BABAM2: variants seen among roughly 807,000 people sequenced by gnomAD.
BABAM2 encodes BRISC and BRCA1-A complex member 2.
In BABAM2, 31 loss-of-function variants were observed where a neutral mutation model predicts 54.7. The ratio of observed to expected loss-of-function variants is 0.57; its 90% CI spans 0.43 to 0.77. BABAM2 has a LOEUF of 0.77. Ranked by LOEUF, BABAM2 falls within the 30% of genes least tolerant of loss-of-function variation. The pLI is 0.00. For missense variants in BABAM2, 364 were observed against 455.8 expected (o/e 0.80, Z 1.83); for synonymous variants, 167 against 162.9 (o/e 1.03, Z -0.19).
intron 3 of BABAM2, among the ~76,000 whole-genome samples, chr2:27,985,747 A>G (rs532957851): frequency 3.3e-5 from 5 of 152,270 alleles, no homozygotes; most frequent in Admixed American, 6.5e-5. Context: ...CTCTGGGTCT[A>G]TGTCTTATAT....
At position 28,244,862 on chromosome 2, in the gene BABAM2, A is replaced by G. The variant is rs141089075; in HGVS notation, c.934A>G (p.Ile312Val). 1 of 1,613,544 alleles carries G rather than the reference A, an allele frequency of 6.2e-7. No homozygotes were observed. Among genetic ancestry groups the G allele is most frequent in the Non-Finnish European group, 8.5e-7 (1 of 1,179,648 alleles). ...MWKDFCFLVH[I>V]DLPLFFPRDQ... Reference sequence around the variant, plus strand: ...GAAAGATTTTTGTTTTCTTGTACACAGTGAGTATACTTTTGCTGTCAGCAT... The same window carrying G: ...GAAAGATTTTTGTTTTCTTGTACACGGTGAGTATACTTTTGCTGTCAGCAT... Residue 312 changes from isoleucine (I) to valine (V), a missense_variant and splice_region_variant, in exon 10 of 12, where the codon ATT becomes GTT. Transcript: ENST00000379624.
At chr2:28,086,859 GTA>G (rs1480404422) in intron 6 of BABAM2, among the ~76,000 whole-genome samples, 1 of 152,162 alleles carries the variant, frequency 6.6e-6, no homozygotes, top group Non-Finnish European at 1.5e-5. Context: ...CAAAATATCT[GTA>G]TAGAGTCCAC....
At chr2:28,212,001 T>C (rs1268010824) in intron 7 of BABAM2, among the ~76,000 whole-genome samples, 2 of 152,156 alleles carry the variant, frequency 1.3e-5, no homozygotes, top group African/African-American at 4.8e-5. Context: ...AGTCTCTTAA[T>C]CTAGAACAGT....
chr2:28,330,519 G>A (rs1004332548), intron 11 of BABAM2, among the ~76,000 whole-genome samples: 1 of 152,138 alleles, frequency 6.6e-6, no homozygotes, highest in African/African-American at 2.4e-5. Context: ...AAAATCACAG[G>A]CATTCTTATA....
chr2:28,248,635 A>G, intron 10 of BABAM2, among the ~76,000 whole-genome samples: 1 of 152,172 alleles, frequency 6.6e-6, no homozygotes. Context: ...ACTGCACTGT[A>G]AGTAGACACA....
At chr2:27,942,791 A>ATTT (rs372325714) in intron 3 of BABAM2, among the ~76,000 whole-genome samples, 11 of 141,820 alleles carry the variant, frequency 7.8e-5, no homozygotes, top group African/African-American at 2.1e-4. Flanking sequence ...TTTCTTAAAA[A>ATTT]ATTTATTTAT....
intron 7 of BABAM2, among the ~76,000 whole-genome samples, chr2:28,195,816 CTA>C (rs1399401620): frequency 6.6e-6 from 1 of 152,188 alleles, no homozygotes; most frequent in Non-Finnish European, 1.5e-5. Flanking sequence ...AAATTCAAGT[CTA>C]CCTAATTCAA....
chr2:28,276,025 AG>A (rs1410170828), intron 10 of BABAM2, among the ~76,000 whole-genome samples: 19 of 151,806 alleles, frequency 1.3e-4, no homozygotes, highest in African/African-American at 3.9e-4. Context: ...AAAAAAAGAA[AG>A]AAAGAAAAAA....
rs563833988 is a variant in BABAM2 at position 28,320,651 on chromosome 2, C to T, written c.1089-17799C>T. Among the ~76,000 whole-genome samples, 14 of 152,356 alleles carry T rather than the reference C, an allele frequency of 9.2e-5. No homozygotes were observed. In the South Asian group the frequency reaches 1.7e-3, roughly 18 times the overall value. On this transcript the variant is annotated intron_variant, in intron 11 of 11. Coordinates refer to ENST00000379624, the MANE Select transcript of BABAM2 (RefSeq NM_199191.3). Reference sequence around the variant, plus strand: ...GGCATAGGTTGGCAGCATCACTCAGCGGGGTGCCTTCTAGTGGAACATGGG... The same window carrying T: ...GGCATAGGTTGGCAGCATCACTCAGTGGGGTGCCTTCTAGTGGAACATGGG...
At chr2:27,999,465 C>T (rs1478183824) in intron 4 of BABAM2, among the ~76,000 whole-genome samples, 18 of 151,998 alleles carry the variant, frequency 1.2e-4, no homozygotes, top group Admixed American at 1.0e-3. Context: ...TTTGCATAGG[C>T]AAATAGTAGA....
intron 11 of BABAM2, among the ~76,000 whole-genome samples, chr2:28,316,585 C>T (rs1168587854): frequency 1.3e-5 from 2 of 152,192 alleles, no homozygotes; most frequent in Non-Finnish European, 2.9e-5. Flanking sequence ...TTCTTCAGAA[C>T]ATTCCCACAG....
At chr2:28,180,574 G>A (rs1675511221) in intron 7 of BABAM2, among the ~76,000 whole-genome samples, 2 of 152,010 alleles carry the variant, frequency 1.3e-5, no homozygotes, top group Non-Finnish European at 2.9e-5. Context: ...TTAAGTCTGT[G>A]GCCTCAAAAG....
intron 7 of BABAM2, among the ~76,000 whole-genome samples, chr2:28,157,460 A>G (rs1186210689): frequency 6.6e-6 from 1 of 152,264 alleles, no homozygotes; most frequent in African/African-American, 2.4e-5. Flanking sequence ...CAAGGTAGAC[A>G]GGCTGCTATG....
At chr2:28,031,923 C>G (rs1418014396) in intron 5 of BABAM2, among the ~76,000 whole-genome samples, 1 of 152,134 alleles carries the variant, frequency 6.6e-6, no homozygotes, top group Non-Finnish European at 1.5e-5. Context: ...TAAAACACAT[C>G]TATTATGTCT....
At chr2:28,200,473 C>T (rs1678142438) in intron 7 of BABAM2, among the ~76,000 whole-genome samples, 2 of 152,134 alleles carry the variant, frequency 1.3e-5, no homozygotes, top group South Asian at 4.1e-4. Flanking sequence ...AAGACCAGGA[C>T]CTATCCATTT....
intron 3 of BABAM2, among the ~76,000 whole-genome samples, chr2:27,932,041 C>CT (rs770985604): frequency 4.8e-4 from 73 of 152,214 alleles, no homozygotes; most frequent in Middle Eastern, 3.4e-3. Flanking sequence ...GCCTTTATTA[C>CT]TTTTTTGAAT....
At chr2:27,974,448 A>G (rs1671449449) in intron 3 of BABAM2, among the ~76,000 whole-genome samples, 1 of 152,194 alleles carries the variant, frequency 6.6e-6, no homozygotes, top group Admixed American at 6.5e-5. Context: ...GCCAAGTTCA[A>G]CATTTGAAAA....
At chr2:28,075,523 C>T (rs1356598181) in intron 6 of BABAM2, among the ~76,000 whole-genome samples, 4 of 149,650 alleles carry the variant, frequency 2.7e-5, no homozygotes, top group African/African-American at 4.9e-5. Context: ...AAAAACATCA[C>T]GTTTTTCTCT....
intron 2 of BABAM2, among the ~76,000 whole-genome samples, chr2:27,928,092 A>G (rs538000844): frequency 8.1e-4 from 123 of 151,354 alleles, no homozygotes; most frequent in Non-Finnish European, 1.4e-3. Flanking sequence ...GCTCACTGCA[A>G]CCTCCGCCTC....
Sources: gnomAD v4.1 joint callset for allele counts (sites outside exome capture counted in the v4.1 genomes callset) on GRCh38, gnomAD v4.1.1 for gene constraint, MANE v1.5 for transcripts, NCBI Gene and HGNC (gene_info 2026-07-23, HGNC 2026-07-21) for gene names.